The following CHRM3 variants were observed in gnomAD, a reference collection of about 807,000 sequenced individuals.
CHRM3 encodes cholinergic receptor muscarinic 3.
CHRM3 carries 11 observed loss-of-function variants against 41.8 expected under a neutral mutation model. The ratio of observed to expected loss-of-function variants is 0.26; its 90% CI spans 0.17 to 0.44. CHRM3 has a LOEUF of 0.44. CHRM3 is among the 20% of genes least tolerant of loss of function. The pLI, the probability that CHRM3 is intolerant of heterozygous loss-of-function variation, is 1.00. For synonymous variants in CHRM3, 297 were observed against 301.4 expected (o/e 0.99, Z 0.15); for missense variants, 571 against 745.4 (o/e 0.77, Z 2.72).
At chr1:239,557,636 G>A (rs537303844) in intron 3 of CHRM3, among the ~76,000 whole-genome samples, 32 of 152,008 alleles carry the variant, frequency 2.1e-4, no homozygotes, top group African/African-American at 6.0e-4. Flanking sequence ...CTCCCCCACC[G>A]CTCCACCGTC....
At chr1:239,883,170 C>G (rs900322998) in intron 6 of CHRM3, among the ~76,000 whole-genome samples, 1 of 152,220 alleles carries the variant, frequency 6.6e-6, no homozygotes, top group Non-Finnish European at 1.5e-5. Context: ...CTTGACTCAT[C>G]ATCGTAAACG....
At chr1:239,850,385 G>A (rs1674603407) in intron 6 of CHRM3, among the ~76,000 whole-genome samples, 1 of 152,146 alleles carries the variant, frequency 6.6e-6, no homozygotes, top group Non-Finnish European at 1.5e-5. Flanking sequence ...AGGGATAACA[G>A]AGGTGTCTGT....
intron 1 of CHRM3, among the ~76,000 whole-genome samples, chr1:239,488,714 CAAAAAAAAAAAAAAAAAAAAA>C (rs763682628): frequency 1.9e-4 from 9 of 46,222 alleles, no homozygotes; most frequent in South Asian, 1.4e-3. Context: ...GACTCCTTCT[CAAAAAAAAAAAAAAAAAAAAA>C]AAAAAAAAAA....
At chr1:239,477,254 C>T (rs935114042) in intron 1 of CHRM3, among the ~76,000 whole-genome samples, 2 of 152,106 alleles carry the variant, frequency 1.3e-5, no homozygotes, top group African/African-American at 4.8e-5. Flanking sequence ...AAAATTGAGG[C>T]AAGGCTAGCA....
chr1:239,669,284 T>TCTCCTTTTATACGCTCCTTC (rs1674125944), intron 4 of CHRM3, among the ~76,000 whole-genome samples: 1 of 152,232 alleles, frequency 6.6e-6, no homozygotes, highest in Admixed American at 6.5e-5. Flanking sequence ...CCTTTCTTTG[T>TCTCCTTTTATACGCTCCTTC]CTTTGTTATG....
At chr1:239,466,863 AAG>A (rs1238384684) in intron 1 of CHRM3, among the ~76,000 whole-genome samples, 1 of 152,214 alleles carries the variant, frequency 6.6e-6, no homozygotes, top group East Asian at 1.9e-4. Context: ...TACACAAATG[AAG>A]AAACTAGCTA....
At chr1:239,506,169 C>T (rs902986357) in intron 2 of CHRM3, among the ~76,000 whole-genome samples, 10 of 152,246 alleles carry the variant, frequency 6.6e-5, no homozygotes, top group Middle Eastern at 3.4e-3. Flanking sequence ...AAATTCAAGC[C>T]AGCTCCAGAA....
intron 5 of CHRM3, among the ~76,000 whole-genome samples, chr1:239,718,190 G>A (rs1412600909): frequency 6.6e-6 from 1 of 151,972 alleles, no homozygotes; most frequent in Non-Finnish European, 1.5e-5. Flanking sequence ...AACATGACAA[G>A]CGGTTCATTG....
At chr1:239,436,193 G>T (rs1663253222) in intron 1 of CHRM3, among the ~76,000 whole-genome samples, 1 of 152,266 alleles carries the variant, frequency 6.6e-6, no homozygotes, top group East Asian at 1.9e-4. Flanking sequence ...AGTAAGGTTG[G>T]TTATGGAGGC....
At chr1:239,441,355 A>G (rs1203105892) in intron 1 of CHRM3, among the ~76,000 whole-genome samples, 1 of 152,218 alleles carries the variant, frequency 6.6e-6, no homozygotes, top group Non-Finnish European at 1.5e-5. Context: ...GTCTTAGACT[A>G]TTGTACCTTT....
chr1:239,732,051 C>T (rs1664011022), intron 5 of CHRM3, among the ~76,000 whole-genome samples: 1 of 151,988 alleles, frequency 6.6e-6, no homozygotes, highest in Admixed American at 6.6e-5. Context: ...AAATGCCCAG[C>T]CCCATACCTA....
chr1:239,438,835 G>A (rs1208026527), intron 1 of CHRM3, among the ~76,000 whole-genome samples: 1 of 152,056 alleles, frequency 6.6e-6, no homozygotes, highest in Non-Finnish European at 1.5e-5. Flanking sequence ...AACCTATTTT[G>A]TAATTCTCAT....
intron 3 of CHRM3, among the ~76,000 whole-genome samples, chr1:239,607,123 T>C (rs933105611): frequency 7.2e-5 from 11 of 152,184 alleles, no homozygotes; most frequent in African/African-American, 1.9e-4. Context: ...AACAAAAAAA[T>C]TTCCACCTCA....
intron 6 of CHRM3, among the ~76,000 whole-genome samples, chr1:239,899,281 G>C (rs1679282305): frequency 7.6e-6 from 1 of 131,748 alleles, no homozygotes; most frequent in African/African-American, 3.6e-5. Context: ...AACTCAGTGT[G>C]TGTGTGTGTG....
intron 5 of CHRM3, among the ~76,000 whole-genome samples, chr1:239,777,607 G>A (rs373344873): frequency 6.6e-6 from 1 of 152,110 alleles, no homozygotes; most frequent in South Asian, 2.1e-4. Flanking sequence ...ATTTGAGGTG[G>A]GGGGTGCAGA....
intron 6 of CHRM3, among the ~76,000 whole-genome samples, chr1:239,845,760 C>T (rs913287502): frequency 1.3e-5 from 2 of 152,362 alleles, no homozygotes; most frequent in South Asian, 2.1e-4. Context: ...TACCGAATTA[C>T]AGCCTCTGGC....
Position 239,708,276 on chromosome 1 carries a change from G to A in CHRM3, c.-147+29988G>A, listed in dbSNP as rs1401931762. On this transcript the variant is annotated intron_variant, in intron 5 of 6. Coordinates refer to ENST00000676153, the MANE Select transcript of CHRM3 (RefSeq NM_001375978.1). The stretch of plus-strand genomic sequence containing the variant: ...CTCCCAGTTGGATTCATTCATCAGT[G>A]CTCATCAGCTGTATCTAGAATTTCA... Among the ~76,000 whole-genome samples, 6 of 152,150 alleles carry A rather than the reference G, an allele frequency of 3.9e-5. No individual in the cohort carries two copies. The East Asian group carries it at 1.2e-3, about 29-fold the overall frequency.
intron 3 of CHRM3, among the ~76,000 whole-genome samples, chr1:239,577,131 T>G (rs569295173): frequency 6.6e-6 from 1 of 152,172 alleles, no homozygotes; most frequent in Non-Finnish European, 1.5e-5. Context: ...TCCAGAAGCT[T>G]CTAATAGATT....
At chr1:239,819,397 G>T (rs746971755) in intron 5 of CHRM3, among the ~76,000 whole-genome samples, 6 of 152,114 alleles carry the variant, frequency 3.9e-5, no homozygotes, top group Non-Finnish European at 7.4e-5. Context: ...TATCATTTTG[G>T]GTCCTGTTGC....
Sources: allele counts gnomAD v4.1 joint callset (sites outside exome capture counted in the v4.1 genomes callset), GRCh38; gene constraint gnomAD v4.1.1; transcripts MANE v1.5; gene names NCBI Gene and HGNC (gene_info 2026-07-23, HGNC 2026-07-21).